HS1BP3: variants seen among roughly 807,000 people sequenced by gnomAD.
HS1BP3 encodes the protein HCLS1 binding protein 3.
In HS1BP3, 32 loss-of-function variants were observed where a neutral mutation model predicts 33.5. The observed-to-expected ratio is 0.95, with a 90% CI of 0.72 to 1.28. The LOEUF (loss-of-function observed/expected upper bound fraction) is 1.28, where lower values mean the gene tolerates loss of function less well. HS1BP3 is among the 50% of genes most tolerant of loss of function. The probability of loss-of-function intolerance (pLI) is 0.00; values close to 1 mark genes in which losing one functional copy is unlikely to be tolerated. For missense variants in HS1BP3, 486 were observed against 502.3 expected, an observed-to-expected ratio of 0.97 and a Z score of 0.31; for synonymous variants, 187 against 209.2, an observed-to-expected ratio of 0.89 and a Z score of 0.92.
intron 5 of HS1BP3, among the ~76,000 whole-genome samples, chr2:20,584,672 C>CT (rs1398929366): frequency 9.6e-6 from 1 of 103,780 alleles, no homozygotes; most frequent in Non-Finnish European, 2.1e-5. Flanking sequence ...TAGGAATTTG[C>CT]CCCCCAAGTG....
At chr2:20,589,022 A>T (rs1427469341), downstream of HS1BP3, among the ~76,000 whole-genome samples, 1 of 152,166 alleles carries the variant, frequency 6.6e-6, no homozygotes, top group Non-Finnish European at 1.5e-5. Flanking sequence ...GTCACCACTA[A>T]CCCAGCACTG....
At chr2:20,587,233 G>A (rs7588678) in intron 5 of HS1BP3, among the ~76,000 whole-genome samples, 11,754 of 152,226 alleles carry the variant, frequency 0.077, 625 homozygotes, top group African/African-American at 0.15. Flanking sequence ...ATTTAAAGTG[G>A]TCTTTTTGAA....
chr2:20,594,305 G>A (rs1416780504), intron 3 of HS1BP3, among the ~76,000 whole-genome samples: 1 of 152,254 alleles, frequency 6.6e-6, no homozygotes, highest in Non-Finnish European at 1.5e-5. Context: ...ACACGTCCAC[G>A]TGAGTCTATG....
downstream of HS1BP3, chr2:20,592,358 C>T (rs1458425246): frequency 6.4e-6 from 1 of 157,112 alleles, no homozygotes; most frequent in Non-Finnish European, 1.5e-5. Context: ...TTCCTACTTC[C>T]CCTTTCGGGC....
chr2:20,618,596 G>C lies in HS1BP3; in HGVS notation c.*391C>G. ...AGAGGCCCAGCCCCAGTTTGGGTCT[G>C]TGCTGGGGCTGGCAGAACCCGTGGG... On this transcript the variant is annotated 3_prime_UTR_variant, in exon 7 of 7. Coordinates refer to ENST00000304031, the MANE Select transcript of HS1BP3 (RefSeq NM_022460.4). The C allele has an allele frequency of 6.5e-6, 4 of 613,336 alleles. No individual in the cohort carries two copies. The highest frequency in any genetic ancestry group is 8.5e-6 in the Non-Finnish European group (4 of 470,908). 38.0% of individuals were successfully genotyped at this position (613,336 alleles called of 1,614,324 possible).
At chr2:20,568,121 A>G (rs879271380) in intron 5 of HS1BP3, among the ~76,000 whole-genome samples, 7 of 152,144 alleles carry the variant, frequency 4.6e-5, no homozygotes, top group Non-Finnish European at 8.8e-5. Flanking sequence ...ATGAATCCCT[A>G]TACTCAGGGC....
At chr2:20,567,093 T>C (rs1693148153) in intron 5 of HS1BP3, among the ~76,000 whole-genome samples, 1 of 152,068 alleles carries the variant, frequency 6.6e-6, no homozygotes, top group Admixed American at 6.6e-5. Context: ...TCACACAGAT[T>C]CATCTAATCT....
Position 20,624,881 on chromosome 2 carries a change from G to A in HS1BP3, c.635C>T (p.Pro212Leu). Residue 212 changes from proline (P) to leucine (L), a missense_variant, in exon 5 of 7, where the codon CCC becomes CTC. Pro to Leu is a moderately conservative substitution (Grantham distance 98). Transcript: ENST00000304031. The part of the protein sequence containing the change: ...DPLGIMRSKK[P>L]KKHPKVAVKA... ...CACGGCCACTTTGGGATGTTTCTTGGGCTTCTTGGAGCTGGAGAATCACAG... is the reference window on the plus strand; with the variant it reads ...CACGGCCACTTTGGGATGTTTCTTGAGCTTCTTGGAGCTGGAGAATCACAG... 6.2e-7 allele frequency: 1 copy of A among 1,613,632 alleles called. No individual in the cohort carries two copies. Among genetic ancestry groups the A allele is most frequent in the East Asian group, 2.2e-5 (1 of 44,878 alleles).
intron 5 of HS1BP3, among the ~76,000 whole-genome samples, chr2:20,583,814 G>A (rs185480768): frequency 4.9e-4 from 75 of 152,316 alleles, no homozygotes; most frequent in African/African-American, 1.7e-3. Flanking sequence ...TCAGTGGACC[G>A]TGCTGTCAGG....
intron 2 of HS1BP3, among the ~76,000 whole-genome samples, chr2:20,642,392 T>C (rs1695380892): frequency 6.6e-6 from 1 of 151,578 alleles, no homozygotes; most frequent in Non-Finnish European, 1.5e-5. Flanking sequence ...CAGTGGGGAG[T>C]CACCTGGGAC....
intron 5 of HS1BP3, among the ~76,000 whole-genome samples, chr2:20,571,406 G>A (rs1693269976): frequency 1.3e-5 from 2 of 152,170 alleles, no homozygotes; most frequent in African/African-American, 4.8e-5. Context: ...CCAGAGGCCT[G>A]TGAGGCAGCC....
rs774671305 is a variant in HS1BP3 at position 20,638,430 on chromosome 2, A to G, written c.623+6T>C. On this transcript the variant is annotated splice_donor_region_variant and intron_variant, in intron 4 of 6. Transcript: ENST00000304031. ...AAAGGGGCCCTCTCAACAACAGGAG[A>G]CCAACCGCATAATGCCCAGAGGGTC... 4 of 1,613,560 alleles carry G rather than the reference A, an allele frequency of 2.5e-6. No homozygotes were observed. The highest frequency in any genetic ancestry group is 1.1e-5 in the South Asian group (1 of 91,000).
intron 5 of HS1BP3, among the ~76,000 whole-genome samples, chr2:20,575,674 G>A (rs1026889931): frequency 1.1e-4 from 16 of 152,190 alleles, no homozygotes; most frequent in African/African-American, 3.6e-4. Flanking sequence ...CTCAAGGCCC[G>A]GCATTCCTTA....
At position 20,645,432 on chromosome 2, in the gene HS1BP3, A is replaced by G; in HGVS notation, c.106T>C (p.Ser36Pro). ...AGGATCTGGTACTCCACGTGTCCAGACATCATCTTGCCCCGTACCTCCTGG... is the reference window on the plus strand; with the variant it reads ...AGGATCTGGTACTCCACGTGTCCAGGCATCATCTTGCCCCGTACCTCCTGG... ...QHQEVRGKMM[S>P]GHVEYQILVV... Residue 36 changes from serine to proline, a missense_variant, in exon 2 of 7, where the codon TCT becomes CCT. Coordinates refer to ENST00000304031, the MANE Select transcript of HS1BP3 (RefSeq NM_022460.4). The G allele has an allele frequency of 6.2e-7, 1 of 1,614,156 alleles. No individual in the cohort carries two copies. The highest frequency in any genetic ancestry group is 8.5e-7 in the Non-Finnish European group (1 of 1,180,018).
chr2:20,643,712 A>C (rs904972652), intron 2 of HS1BP3, among the ~76,000 whole-genome samples: 2 of 152,204 alleles, frequency 1.3e-5, no homozygotes, highest in African/African-American at 4.8e-5. Context: ...GCTTAAGCCC[A>C]GCTTGAGGAG....
In HS1BP3 at chr2:20,612,584, A is replaced by G. The variant is rs1694338432; in HGVS notation, c.178+11312T>C. Among the ~76,000 whole-genome samples the G allele has an allele frequency of 3.9e-5, 6 of 152,318 alleles. No homozygotes were observed. The South Asian group carries it at 1.2e-3, about 32-fold the overall frequency. On this transcript the variant is annotated intron_variant, in intron 2 of 3. Coordinates refer to the HS1BP3 transcript ENST00000415264. ...ATACAATACGTGGTCTTTTGAGTCT[A>G]GCTTCTGTCACTTAACATGATGTAT...
intron 5 of HS1BP3, among the ~76,000 whole-genome samples, chr2:20,561,689 C>T (rs1693001558): frequency 6.6e-6 from 1 of 152,190 alleles, no homozygotes; most frequent in Admixed American, 6.5e-5. Context: ...TCCCAGGACC[C>T]CTGCTGTGAT....
chr2:20,623,877 C>G lies in HS1BP3; in HGVS notation c.920+19G>C. On this transcript the variant is annotated intron_variant, in intron 6 of 6. Transcript: ENST00000304031. ...AACACTCTCAGAGCTGGCCAAGCGC[C>G]GCTGGGGACAGGTGGTACCTGAACA... is the stretch of plus-strand genomic sequence containing the variant. 1 of 1,606,728 alleles carries G rather than the reference C, an allele frequency of 6.2e-7. No individual in the cohort carries two copies. The highest frequency in any genetic ancestry group is 8.5e-7 in the Non-Finnish European group (1 of 1,177,894).
intron 5 of HS1BP3, among the ~76,000 whole-genome samples, chr2:20,580,757 C>A (rs892969434): frequency 6.6e-5 from 10 of 152,164 alleles, no homozygotes; most frequent in African/African-American, 1.9e-4. Context: ...ATATCAAGTG[C>A]TGACAAAGAA....
Sources: allele counts gnomAD v4.1 joint callset (sites outside exome capture counted in the v4.1 genomes callset), GRCh38; gene constraint gnomAD v4.1.1; transcripts MANE v1.5; gene names NCBI Gene and HGNC (gene_info 2026-07-23, HGNC 2026-07-21).